The following RNF182 variants were observed in gnomAD, a reference collection of about 807,000 sequenced individuals.
RNF182 encodes the protein ring finger protein 182.
Under a neutral mutation model 14.4 loss-of-function variants are expected in RNF182, and 15 were observed. That is an observed-to-expected ratio of 1.04 (90% CI 0.70 to 1.60). The LOEUF (loss-of-function observed/expected upper bound fraction) is 1.60. RNF182 is among the 40% of genes most tolerant of loss of function. RNF182 has a pLI of 0.00. For missense variants in RNF182, 268 were observed against 294.8 expected (o/e 0.91, Z 0.67); for synonymous variants, 128 against 122.9 (o/e 1.04, Z -0.27).
rs535805724 is a variant in RNF182 at position 13,927,780 on chromosome 6, G to A, written c.-367+2757G>A. 9.8e-5 allele frequency among the ~76,000 whole-genome samples: 15 copies of A among 152,342 alleles called. No individual in the cohort carries two copies. The South Asian group carries it at 3.1e-3, about 32-fold the overall frequency. Reference sequence around the variant, plus strand: ...ACTGTGATAACATGATTACTGGTTGGTAATTTAGCATCTAGTGCAATGTGT... The same window carrying A: ...ACTGTGATAACATGATTACTGGTTGATAATTTAGCATCTAGTGCAATGTGT... On this transcript the variant is annotated intron_variant, in intron 1 of 2. Coordinates refer to ENST00000488300, the MANE Select transcript of RNF182 (RefSeq NM_152737.4).
intron 1 of RNF182, among the ~76,000 whole-genome samples, chr6:13,931,474 T>C (rs1048075110): frequency 1.3e-5 from 2 of 152,100 alleles, no homozygotes; most frequent in Non-Finnish European, 2.9e-5. Context: ...TTTGGAAAGA[T>C]GTTTTCATTT....
chr6:13,973,785 C>T (rs1760255463), intron 1 of RNF182, among the ~76,000 whole-genome samples: 1 of 152,150 alleles, frequency 6.6e-6, no homozygotes. Context: ...TGAGAATGGA[C>T]TAATAAACCT....
At chr6:13,949,006 C>CA (rs1759514248) in intron 1 of RNF182, 1 of 445,034 alleles carries the variant, frequency 2.2e-6, no homozygotes, top group Non-Finnish European at 4.0e-6. Context: ...ATCATACGGA[C>CA]AAAATCTACT....
In RNF182 at chr6:13,977,451, C is replaced by T. The variant is rs776512846; in HGVS notation, c.332C>T (p.Thr111Ile). The T allele has an allele frequency of 1.2e-5, 19 of 1,614,056 alleles. No homozygotes were observed. The highest frequency in any genetic ancestry group is 2.7e-5 in the African/African-American group (2 of 74,932). The change falls in exon 3 of 3, where the codon ACC (threonine) becomes ATC (isoleucine). Residue 111 changes from threonine (T) to isoleucine (I), a missense_variant. Physicochemically the swap from Thr to Ile is moderately conservative, Grantham distance 89. Transcript: ENST00000488300. The stretch of plus-strand genomic sequence containing the variant: ...GAGAACCCTACTGAGCTGCTGCTCA[C>T]CCCCAAGAGGCTGGCCTCTCTGGTC... ...LPENPTELLL[T>I]PKRLASLVSP...
At chr6:13,970,369 G>T (rs370121564) in intron 1 of RNF182, among the ~76,000 whole-genome samples, 1 of 152,070 alleles carries the variant, frequency 6.6e-6, no homozygotes, top group Non-Finnish European at 1.5e-5. Context: ...GTCTTTCTGT[G>T]CCTGGCTTAT....
At chr6:13,951,149 C>T (rs1370448442) in intron 1 of RNF182, among the ~76,000 whole-genome samples, 1 of 152,172 alleles carries the variant, frequency 6.6e-6, no homozygotes, top group African/African-American at 2.4e-5. Context: ...GTAAACATCA[C>T]ACACACAACA....
chr6:13,929,191 AT>A (rs1198192630), intron 1 of RNF182, among the ~76,000 whole-genome samples: 3 of 152,194 alleles, frequency 2.0e-5, no homozygotes, highest in African/African-American at 7.2e-5. Context: ...ATGTTATCTA[AT>A]TGGTCAGGTA....
chr6:13,940,715 A>G (rs1286972163), intron 1 of RNF182, among the ~76,000 whole-genome samples: 1 of 152,116 alleles, frequency 6.6e-6, no homozygotes, highest in Non-Finnish European at 1.5e-5. Flanking sequence ...TTTCTAACAT[A>G]TGCATTCGAA....
rs1760363250 is a variant in RNF182 at position 13,977,469 on chromosome 6, C to G, written c.350C>G (p.Ser117Cys). ...CTGCTCACCCCCAAGAGGCTGGCCT[C>G]TCTGGTCAGTCCTTCTCACACGTCC... The part of the protein sequence containing the change: ...ELLLTPKRLA[S>C]LVSPSHTSSN... Residue 117 changes from serine (S) to cysteine (C), a missense_variant, in exon 3 of 3, where the codon TCT (serine) becomes TGT (cysteine). Transcript: ENST00000488300. The G allele has an allele frequency of 6.2e-7, 1 of 1,614,068 alleles. No homozygotes were observed. The highest frequency in any genetic ancestry group is 8.5e-7 in the Non-Finnish European group (1 of 1,180,030).
At chr6:13,952,868 A>G (rs1180115514) in intron 1 of RNF182, among the ~76,000 whole-genome samples, 1 of 152,234 alleles carries the variant, frequency 6.6e-6, no homozygotes, top group Non-Finnish European at 1.5e-5. Context: ...GCTTGTTTAT[A>G]TATAAGATAA....
At position 13,978,069 on chromosome 6, in the gene RNF182, A is replaced by G. The variant is rs1760389220; in HGVS notation, c.*206A>G. 3.6e-6 allele frequency: 2 copies of G among 548,630 alleles called. No individual in the cohort carries two copies. The highest frequency in any genetic ancestry group is 3.3e-6 in the Non-Finnish European group (1 of 306,964). The allele number at this position is 548,630 out of a possible 1,614,324, so 34.0% of individuals were successfully genotyped here. On this transcript the variant is annotated 3_prime_UTR_variant, in exon 3 of 3. Transcript: ENST00000488300. ...ACTTAGGGGTTAGCAAAATTGTATA[A>G]GCTCACACTTCATGGAGCACTGACA... is the stretch of plus-strand genomic sequence containing the variant.
intron 1 of RNF182, among the ~76,000 whole-genome samples, chr6:13,938,198 T>TA (rs71552764): frequency 2.0e-5 from 3 of 147,488 alleles, no homozygotes; most frequent in Admixed American, 1.3e-4. Context: ...TTTTTTTTTT[T>TA]AGTAGAGACG....
chr6:13,965,860 G>C (rs1760011513), intron 1 of RNF182, among the ~76,000 whole-genome samples: 1 of 152,172 alleles, frequency 6.6e-6, no homozygotes, highest in South Asian at 2.1e-4. Flanking sequence ...TTATATAGCA[G>C]GGCAGAAATG....
chr6:13,958,350 C>T (rs574304439), intron 1 of RNF182, among the ~76,000 whole-genome samples: 211 of 152,140 alleles, frequency 1.4e-3, no homozygotes, highest in African/African-American at 4.7e-3. Context: ...TGCACCACTG[C>T]ACTCCAGCCT....
rs116913429 is a variant in RNF182 at position 13,973,788 on chromosome 6, A to G, written c.-366-422A>G. Among the ~76,000 whole-genome samples, 94 of 152,314 alleles carry G rather than the reference A, an allele frequency of 6.2e-4. No homozygotes were observed. The East Asian group carries it at 0.011, about 17-fold the overall frequency. On this transcript the variant is annotated intron_variant, in intron 1 of 2. Transcript: ENST00000488300. ...TTATTAGCAGCATGAGAATGGACTA[A>G]TAAACCTGACATGTAGTCTAATCAC...
At chr6:13,938,564 G>A (rs1480808642) in intron 1 of RNF182, among the ~76,000 whole-genome samples, 1 of 152,110 alleles carries the variant, frequency 6.6e-6, no homozygotes, top group Non-Finnish European at 1.5e-5. Flanking sequence ...CTACCAAGAA[G>A]TTTTATTGTT....
At chr6:13,974,612 C>T (rs1347871156) in intron 2 of RNF182, among the ~76,000 whole-genome samples, 1 of 152,134 alleles carries the variant, frequency 6.6e-6, no homozygotes, top group East Asian at 1.9e-4. Context: ...GCTGGCCCAA[C>T]ATAAAGTGTT....
At chr6:13,970,704 A>G (rs1760153208) in intron 1 of RNF182, among the ~76,000 whole-genome samples, 1 of 152,158 alleles carries the variant, frequency 6.6e-6, no homozygotes, top group Non-Finnish European at 1.5e-5. Context: ...TATTCTTACC[A>G]CCAGTATTGA....
chr6:13,933,910 C>T (rs112204713), intron 1 of RNF182, among the ~76,000 whole-genome samples: 3 of 151,936 alleles, frequency 2.0e-5, no homozygotes, highest in Non-Finnish European at 2.9e-5. Context: ...CCCAGCTACT[C>T]GGGAAGCTGA....
Sources: allele counts gnomAD v4.1 joint callset (sites outside exome capture counted in the v4.1 genomes callset), GRCh38; gene constraint gnomAD v4.1.1; transcripts MANE v1.5; gene names NCBI Gene and HGNC (gene_info 2026-07-23, HGNC 2026-07-21).